The following LZIC variants were observed in gnomAD, a reference collection of about 807,000 sequenced individuals.
LZIC encodes protein LZIC.
In LZIC, 28 loss-of-function variants were observed where a neutral mutation model predicts 25.4. That is an observed-to-expected ratio of 1.10 (90% confidence interval 0.82 to 1.51). The LOEUF is 1.51. Ranked by LOEUF, LZIC falls within the 40% of genes most tolerant of loss-of-function variation. The pLI, the probability that LZIC is intolerant of heterozygous loss-of-function variation, is 0.00. For missense variants in LZIC, 170 were observed against 211.1 expected (o/e 0.81, Z 1.21); for synonymous variants, 65 against 70.7 (o/e 0.92, Z 0.40).
intron 2 of LZIC, among the ~76,000 whole-genome samples, chr1:9,942,187 G>C (rs1035721481): frequency 6.6e-6 from 1 of 152,160 alleles, no homozygotes; most frequent in Non-Finnish European, 1.5e-5. Context: ...AAAGTGATGG[G>C]ATTACAGGCG....
intron 5 of LZIC, among the ~76,000 whole-genome samples, chr1:9,933,321 C>T (rs947724069): frequency 1.5e-5 from 2 of 135,832 alleles, no homozygotes; most frequent in Non-Finnish European, 3.1e-5. Context: ...TATAGCTTTT[C>T]AGACGTACTT....
chr1:9,933,966 T>C (rs1040668311), intron 5 of LZIC, among the ~76,000 whole-genome samples: 2 of 151,338 alleles, frequency 1.3e-5, no homozygotes, highest in Non-Finnish European at 2.9e-5. Context: ...GTGGCTCCCA[T>C]CTATAATCCC....
At chr1:9,934,703 T>C in intron 5 of LZIC, 59 bp downstream of exon 5, 1 of 1,437,806 alleles carries the variant, frequency 7.0e-7, no homozygotes, top group South Asian at 1.2e-5. Context: ...GATATCATAA[T>C]GAATTGGCCT....
At chr1:9,938,935 C>A (rs1456395322) in intron 2 of LZIC, among the ~76,000 whole-genome samples, 1 of 152,034 alleles carries the variant, frequency 6.6e-6, no homozygotes, top group Non-Finnish European at 1.5e-5. Flanking sequence ...TCAAAAACAC[C>A]CTTTACTAAT....
chr1:9,922,865 A>G (rs2101569220), downstream of LZIC, among the ~76,000 whole-genome samples: 2 of 152,338 alleles, frequency 1.3e-5, no homozygotes, highest in South Asian at 4.1e-4. Context: ...AGGGTCTGAA[A>G]AGGATAAAGG....
At chr1:9,938,321 C>T (rs1055190772) in intron 2 of LZIC, among the ~76,000 whole-genome samples, 2 of 152,042 alleles carry the variant, frequency 1.3e-5, no homozygotes, top group African/African-American at 4.8e-5. Context: ...GCACACACCA[C>T]CACACCTGGC....
intron 4 of LZIC, 29 bp from the exon 5 acceptor site, chr1:9,934,889 C>T: frequency 6.8e-7 from 1 of 1,474,280 alleles, no homozygotes; most frequent in Non-Finnish European, 9.5e-7. Context: ...AAAAACTAAC[C>T]AAAATAGTCC....
chr1:9,929,473 TTG>T lies in LZIC; in HGVS notation c.*924_*925del, dbSNP rs1250213589. ...AATTTGCTTTTCCTCATAACTTATTTTGTGTTTCTCCAAAACCTGAAGAGTAG... is the reference window on the plus strand; with the variant it reads ...AATTTGCTTTTCCTCATAACTTATTTTGTTTCTCCAAAACCTGAAGAGTAG... On this transcript the variant is annotated 3_prime_UTR_variant, in exon 8 of 8. Transcript: ENST00000377223. 16 of 985,300 alleles carry T rather than the reference TTG, an allele frequency of 1.6e-5. No homozygotes were observed. The highest frequency in any genetic ancestry group is 8.4e-6 in the Non-Finnish European group (7 of 829,944). 61.0% of individuals were successfully genotyped at this position (985,300 alleles called of 1,614,324 possible).
intron 2 of LZIC, among the ~76,000 whole-genome samples, chr1:9,940,767 C>A (rs1640689477): frequency 6.6e-6 from 1 of 152,112 alleles, no homozygotes; most frequent in Non-Finnish European, 1.5e-5. Context: ...TGGCATAAGT[C>A]ATCTATGATC....
intron 2 of LZIC, among the ~76,000 whole-genome samples, chr1:9,937,341 C>T (rs933922718): frequency 6.7e-6 from 1 of 150,292 alleles, no homozygotes; most frequent in South Asian, 2.1e-4. Context: ...TGCAGTGAGC[C>T]GAGATCACGC....
Position 9,926,837 on chromosome 1 carries a change from G to A in LZIC, c.*3562C>T, listed in dbSNP as rs931608613. On this transcript the variant is annotated 3_prime_UTR_variant, in exon 8 of 8. Coordinates refer to ENST00000377223, the MANE Select transcript of LZIC (RefSeq NM_032368.5). Reference sequence around the variant, plus strand: ...CCTAGAAGATTAAATGTAGCAAGAAGTGGAAGAGAAACACAGTTTATAAGT... The same window carrying A: ...CCTAGAAGATTAAATGTAGCAAGAAATGGAAGAGAAACACAGTTTATAAGT... Among the ~76,000 whole-genome samples, 6 of 152,116 alleles carry A rather than the reference G, an allele frequency of 3.9e-5. No individual in the cohort carries two copies. The highest frequency in any genetic ancestry group is 1.5e-4 in the African/African-American group (6 of 41,364).
chr1:9,933,283 A>AAAAAAAT (rs1557438404), intron 5 of LZIC, among the ~76,000 whole-genome samples: 3 of 58,364 alleles, frequency 5.1e-5, no homozygotes, highest in African/African-American at 1.7e-4. Flanking sequence ...AAAAAAAAAA[A>AAAAAAAT]ATATATATAT....
intron 7 of LZIC, 43 bp from the exon 8 acceptor site, chr1:9,930,500 T>G: frequency 2.5e-6 from 4 of 1,607,124 alleles, no homozygotes; most frequent in Non-Finnish European, 3.4e-6. Context: ...TTATTTCAAG[T>G]GCAGTTGCAA....
downstream of LZIC, among the ~76,000 whole-genome samples, chr1:9,923,510 C>T (rs11121501): frequency 0.12 from 16,540 of 143,076 alleles, 1,157 homozygotes; most frequent in African/African-American, 0.18. Flanking sequence ...GCACCTGGCC[C>T]AATGCTTCTT....
intron 1 of LZIC, 180 bp downstream of exon 1, chr1:9,943,069 T>C (rs1340715431): frequency 7.3e-6 from 2 of 274,522 alleles, no homozygotes; most frequent in East Asian, 8.2e-5. Flanking sequence ...TGAGGAGGGT[T>C]TGGCCCAGAA....
In LZIC at chr1:9,927,120, A is replaced by C. The variant is rs1284007781; in HGVS notation, c.*3279T>G. Reference sequence around the variant, plus strand: ...AATTAAGTAACCCACAAAAAGTCACACAGCTGTGACTGTCAGTGTCCTGCT... The same window carrying C: ...AATTAAGTAACCCACAAAAAGTCACCCAGCTGTGACTGTCAGTGTCCTGCT... On this transcript the variant is annotated 3_prime_UTR_variant, in exon 8 of 8. Transcript: ENST00000377223. Among the ~76,000 whole-genome samples, 2 of 152,204 alleles carry C rather than the reference A, an allele frequency of 1.3e-5. No homozygotes were observed. The highest frequency in any genetic ancestry group is 2.9e-5 in the Non-Finnish European group (2 of 68,024).
At chr1:9,942,586 C>A in intron 2 of LZIC, 38 bp downstream of exon 2, 1 of 1,069,810 alleles carries the variant, frequency 9.3e-7, no homozygotes, top group Non-Finnish European at 1.3e-6. Flanking sequence ...CGCTCTCAGA[C>A]ACTATATCTG....
In LZIC at chr1:9,930,251, A is replaced by C; in HGVS notation, c.*148T>G. On this transcript the variant is annotated 3_prime_UTR_variant, in exon 8 of 8. Transcript: ENST00000377223. ...CACAATGATGAAGAGCATAAACACA[A>C]GCCATAAGTATATTTTTATGTCGCT... 1 of 1,513,474 alleles carries C rather than the reference A, an allele frequency of 6.6e-7. No individual in the cohort carries two copies. Among genetic ancestry groups the C allele is most frequent in the South Asian group, 1.4e-5 (1 of 73,988 alleles). The allele number at this position is 1,513,474 out of a possible 1,614,324, so 93.8% of individuals were successfully genotyped here.
At chr1:9,931,726 TG>T (rs1221417211) in intron 7 of LZIC, among the ~76,000 whole-genome samples, 164 bp downstream of exon 7, 2 of 152,236 alleles carry the variant, frequency 1.3e-5, no homozygotes, top group African/African-American at 2.4e-5. Context: ...TTTTTAATAT[TG>T]GGGAATAAAA....
Sources: gnomAD v4.1 joint callset for allele counts (sites outside exome capture counted in the v4.1 genomes callset) on GRCh38, gnomAD v4.1.1 for gene constraint, MANE v1.5 for transcripts, NCBI Gene and HGNC (gene_info 2026-07-23, HGNC 2026-07-21) for gene names.